Variants in LEPR observed in about 807,000 individuals in gnomAD.
LEPR encodes the protein leptin receptor, also known as OB receptor.
LEPR carries 56 observed loss-of-function variants against 114.7 expected under a neutral mutation model. The observed-to-expected ratio is 0.49, with a 90% CI of 0.39 to 0.61. The LOEUF is 0.61. Ranked by LOEUF, LEPR falls within the 20% of genes least tolerant of loss-of-function variation. The probability of loss-of-function intolerance (pLI) is 0.00; values close to 1 mark genes in which losing one functional copy is unlikely to be tolerated. For synonymous variants in LEPR, 443 were observed against 461.4 expected (o/e 0.96, Z 0.51); for missense variants, 1,202 against 1,352.9 (o/e 0.89, Z 1.75).
intron 2 of LEPR, among the ~76,000 whole-genome samples, chr1:65,461,609 G>A (rs1422388297): frequency 1.3e-5 from 2 of 152,286 alleles, no homozygotes; most frequent in East Asian, 3.9e-4. Context: ...TGGAGAATAG[G>A]TGGATCTCCC....
chr1:65,564,295 G>A lies in LEPR; in HGVS notation c.-20-1251G>A, dbSNP rs1420412551. 6.8e-5 allele frequency among the ~76,000 whole-genome samples: 10 copies of A among 146,494 alleles called. 1 individual carries two copies. Among genetic ancestry groups the A allele is most frequent in the Admixed American group, 1.3e-4 (2 of 14,952 alleles). ...AGTCAGTCAGAAAAGCGCAGTATTCGGGTGGGAGTGACCCGATTTTCCAGG... is the reference window on the plus strand; with the variant it reads ...AGTCAGTCAGAAAAGCGCAGTATTCAGGTGGGAGTGACCCGATTTTCCAGG... On this transcript the variant is annotated intron_variant, in intron 2 of 19. Coordinates refer to ENST00000349533, the MANE Select transcript of LEPR (RefSeq NM_002303.6).
chr1:65,439,395 G>T lies in LEPR; in HGVS notation c.-21+14017G>T, dbSNP rs202084688. Among the ~76,000 whole-genome samples, 12 of 152,300 alleles carry T rather than the reference G, an allele frequency of 7.9e-5. No individual in the cohort carries two copies. In the East Asian group the frequency reaches 1.7e-3, roughly 22 times the overall value. ...TAGACCCAAAAATATATGGTCAAAT[G>T]ATTTTTGATGTTAAGGAAAAAATAA... On this transcript the variant is annotated intron_variant, in intron 2 of 19. Coordinates refer to ENST00000349533, the MANE Select transcript of LEPR (RefSeq NM_002303.6).
At chr1:65,520,768 G>A (rs1022694047) in intron 2 of LEPR, among the ~76,000 whole-genome samples, 1 of 152,194 alleles carries the variant, frequency 6.6e-6, no homozygotes, top group African/African-American at 2.4e-5. Context: ...ATAGATTATA[G>A]ATTAACTAAA....
intron 1 of LEPR, 23 bp from the exon 2 acceptor site, chr1:65,425,280 A>G: frequency 6.2e-7 from 1 of 1,610,326 alleles, no homozygotes; most frequent in Non-Finnish European, 8.5e-7. Context: ...GGGAACTTTA[A>G]CTTTTGGCTT....
At chr1:65,522,744 A>G (rs1557638493) in intron 2 of LEPR, among the ~76,000 whole-genome samples, 2 of 152,170 alleles carry the variant, frequency 1.3e-5, no homozygotes, top group Admixed American at 6.5e-5. Context: ...CAGGATCTGT[A>G]TCTGTGTAAG....
At chr1:65,450,015 T>G (rs1646762362) in intron 2 of LEPR, among the ~76,000 whole-genome samples, 1 of 152,176 alleles carries the variant, frequency 6.6e-6, no homozygotes, top group Non-Finnish European at 1.5e-5. Flanking sequence ...GTGACCCATG[T>G]GTTATTTTGA....
intron 2 of LEPR, among the ~76,000 whole-genome samples, chr1:65,426,660 T>C (rs1031484990): frequency 6.6e-6 from 1 of 152,050 alleles, no homozygotes; most frequent in Non-Finnish European, 1.5e-5. Flanking sequence ...GAGGGAGAGT[T>C]CTTAGATGTC....
Position 65,618,164 on chromosome 1 carries a change from T to C in LEPR, c.2395+18T>C, listed in dbSNP as rs763240961. ...TATCCATGGTAAGTTTACTATACTT[T>C]AGTAAGTTGCTCTCATGGATTAATA... On this transcript the variant is annotated intron_variant, in intron 16 of 19. Coordinates refer to ENST00000349533, the MANE Select transcript of LEPR (RefSeq NM_002303.6). 2.5e-6 allele frequency: 4 copies of C among 1,593,696 alleles called. No homozygotes were observed. Among genetic ancestry groups the C allele is most frequent in the South Asian group, 2.2e-5 (2 of 89,826 alleles).
At chr1:65,610,174 T>G in intron 13 of LEPR, 40 bp from the exon 14 acceptor site, 2 of 1,614,142 alleles carry the variant, frequency 1.2e-6, no homozygotes, top group Non-Finnish European at 1.7e-6. Flanking sequence ...GGCTGAAAAG[T>G]ATTTCTTCAA....
intron 2 of LEPR, among the ~76,000 whole-genome samples, chr1:65,551,911 G>T (rs1652405557): frequency 6.6e-6 from 1 of 152,064 alleles, no homozygotes; most frequent in African/African-American, 2.4e-5. Context: ...TTGTGTCTTT[G>T]TTCTCACTGG....
In LEPR at chr1:65,547,135, C is replaced by G. The variant is rs554665899; in HGVS notation, c.-20-18411C>G. 6.4e-3 allele frequency among the ~76,000 whole-genome samples: 975 copies of G among 151,506 alleles called. 9 individuals carry two copies. The highest frequency in any genetic ancestry group is 0.022 in the African/African-American group (927 of 41,286). ...TATTGATTTGTGTATATTGAACCAG[C>G]CTTGCATCCCAGGGATGAAGCCCAC... On this transcript the variant is annotated intron_variant, in intron 2 of 19. Transcript: ENST00000349533.
intron 2 of LEPR, among the ~76,000 whole-genome samples, chr1:65,529,382 C>A (rs909236952): frequency 6.6e-6 from 1 of 151,768 alleles, no homozygotes; most frequent in Non-Finnish European, 1.5e-5. Context: ...TTTATCCAGA[C>A]CTGGTGGCAG....
chr1:65,464,924 CTTT>C (rs1646990670), intron 2 of LEPR, among the ~76,000 whole-genome samples: 1 of 152,062 alleles, frequency 6.6e-6, no homozygotes, highest in South Asian at 2.1e-4. Context: ...CTCTTTTCTT[CTTT>C]ATTAGTCTTG....
chr1:65,603,700 T>G (rs1332462112), intron 10 of LEPR, among the ~76,000 whole-genome samples: 1 of 92,454 alleles, frequency 1.1e-5, no homozygotes, highest in Non-Finnish European at 2.3e-5. Flanking sequence ...TGCAACTGGT[T>G]TTTTTTTTTT....
At chr1:65,517,242 C>T (rs1649337499) in intron 2 of LEPR, among the ~76,000 whole-genome samples, 1 of 152,204 alleles carries the variant, frequency 6.6e-6, no homozygotes, top group Non-Finnish European at 1.5e-5. Context: ...AAGATTCATA[C>T]ACAATCAATC....
At chr1:65,469,432 A>C (rs1447450871) in intron 2 of LEPR, among the ~76,000 whole-genome samples, 1 of 152,226 alleles carries the variant, frequency 6.6e-6, no homozygotes, top group Non-Finnish European at 1.5e-5. Context: ...AGTAGTTATC[A>C]GGCTAGAAAG....
In LEPR at chr1:65,504,860, TCTA is replaced by T. The variant is rs1648642393; in HGVS notation, c.-20-60682_-20-60680del. Among the ~76,000 whole-genome samples the T allele has an allele frequency of 3.3e-5, 5 of 152,178 alleles. 1 individual carries two copies. The South Asian group carries it at 1.0e-3, about 32-fold the overall frequency. ...GATTGGGTGTGAAGTATATGGGAAT[TCTA>T]CTATCTTTATCACTTTTCTGAGCAT... On this transcript the variant is annotated intron_variant, in intron 2 of 19. Transcript: ENST00000349533.
chr1:65,489,866 A>T (rs909257631), intron 2 of LEPR, among the ~76,000 whole-genome samples: 1 of 152,058 alleles, frequency 6.6e-6, no homozygotes, highest in Non-Finnish European at 1.5e-5. Context: ...GTTCAGTTTT[A>T]TGGGTGAGAG....
At chr1:65,493,924 G>A (rs1222127865) in intron 2 of LEPR, 1 of 152,136 alleles carries the variant, frequency 6.6e-6, no homozygotes, top group Non-Finnish European at 1.5e-5. Context: ...TGCACATCTT[G>A]AAAACATTTC....
Sources: gnomAD v4.1 joint callset for allele counts (sites outside exome capture counted in the v4.1 genomes callset) on GRCh38, gnomAD v4.1.1 for gene constraint, MANE v1.5 for transcripts, NCBI Gene and HGNC (gene_info 2026-07-23, HGNC 2026-07-21) for gene names.